Variants in CADPS2 observed in about 807,000 individuals in gnomAD.
The protein encoded by CADPS2 is calcium dependent secretion activator 2.
In CADPS2, 93 loss-of-function variants were observed where a neutral mutation model predicts 172.5. The ratio of observed to expected loss-of-function variants is 0.54; its 90% CI spans 0.46 to 0.64. The LOEUF (loss-of-function observed/expected upper bound fraction) is 0.64, where lower values mean the gene tolerates loss of function less well. CADPS2 is among the 30% of genes least tolerant of loss of function. CADPS2 has a pLI of 0.00. For synonymous variants in CADPS2, 546 were observed against 555.2 expected (o/e 0.98, Z 0.23); for missense variants, 1,420 against 1,565.9 (o/e 0.91, Z 1.57).
chr7:122,686,523 C>T (rs927642487), intron 2 of CADPS2, among the ~76,000 whole-genome samples: 1 of 152,142 alleles, frequency 6.6e-6, no homozygotes, highest in Non-Finnish European at 1.5e-5. Flanking sequence ...ATTGCTGCCC[C>T]CTCCTCAAGT....
intron 20 of CADPS2, among the ~76,000 whole-genome samples, chr7:122,407,173 C>T (rs1265192310): frequency 6.6e-6 from 1 of 152,168 alleles, no homozygotes; most frequent in African/African-American, 2.4e-5. Flanking sequence ...ATGATTTCTA[C>T]AATAATGAAT....
intron 2 of CADPS2, among the ~76,000 whole-genome samples, chr7:122,731,529 G>A (rs1158124476): frequency 6.6e-6 from 1 of 151,598 alleles, no homozygotes; most frequent in African/African-American, 2.4e-5. Flanking sequence ...TAACTGCAGA[G>A]TCAGATGATG....
chr7:122,750,644 CAA>C (rs2092913198), intron 1 of CADPS2, among the ~76,000 whole-genome samples: 1 of 152,096 alleles, frequency 6.6e-6, no homozygotes, highest in African/African-American at 2.4e-5. Context: ...TAAAACCAGA[CAA>C]ATAGATGACA....
chr7:122,663,027 T>G (rs887858189), intron 3 of CADPS2, among the ~76,000 whole-genome samples: 11 of 152,236 alleles, frequency 7.2e-5, no homozygotes, highest in Admixed American at 1.3e-4. Flanking sequence ...ACTTACTGGA[T>G]AAGAAGTACT....
chr7:122,671,083 C>T (rs1370613906), intron 2 of CADPS2, among the ~76,000 whole-genome samples: 1 of 152,142 alleles, frequency 6.6e-6, no homozygotes, highest in Non-Finnish European at 1.5e-5. Context: ...TTGGCTAGAT[C>T]CTGTATCGTA....
chr7:122,662,005 C>T (rs2080602348), intron 3 of CADPS2, among the ~76,000 whole-genome samples: 1 of 152,158 alleles, frequency 6.6e-6, no homozygotes, highest in Non-Finnish European at 1.5e-5. Context: ...ACAGTGAGTA[C>T]ACAAATTGTT....
intron 23 of CADPS2, among the ~76,000 whole-genome samples, chr7:122,387,530 C>A (rs1027771057): frequency 3.3e-5 from 5 of 151,994 alleles, no homozygotes; most frequent in Non-Finnish European, 7.4e-5. Context: ...AAAAATCACA[C>A]ACTTGTATGC....
chr7:122,490,726 A>G (rs1409773234), intron 10 of CADPS2, among the ~76,000 whole-genome samples: 3 of 149,702 alleles, frequency 2.0e-5, no homozygotes, highest in African/African-American at 7.4e-5. Context: ...AATATTTTGC[A>G]TTTTAAGTGA....
chr7:122,830,792 C>T (rs1013918033), intron 1 of CADPS2, among the ~76,000 whole-genome samples: 10 of 152,078 alleles, frequency 6.6e-5, no homozygotes, highest in Non-Finnish European at 1.2e-4. Context: ...AGCTATTAAA[C>T]GATCTCATTC....
chr7:122,756,746 A>G (rs2093176828), intron 1 of CADPS2, among the ~76,000 whole-genome samples: 1 of 152,106 alleles, frequency 6.6e-6, no homozygotes, highest in East Asian at 1.9e-4. Flanking sequence ...TAAAAATACA[A>G]AAAGTTAGCC....
chr7:122,558,005 CA>C (rs1433915202), intron 7 of CADPS2, among the ~76,000 whole-genome samples: 5 of 152,166 alleles, frequency 3.3e-5, no homozygotes, highest in African/African-American at 1.2e-4. Context: ...CGAAAGAAAT[CA>C]GAGCCCTAAA....
chr7:122,648,892 C>G (rs558530658), intron 3 of CADPS2, among the ~76,000 whole-genome samples: 8 of 152,064 alleles, frequency 5.3e-5, no homozygotes, highest in Admixed American at 4.6e-4. Flanking sequence ...CAGAACAATG[C>G]GTAGTGCTTG....
intron 3 of CADPS2, among the ~76,000 whole-genome samples, chr7:122,645,665 A>G: frequency 1.2e-5 from 1 of 83,452 alleles, no homozygotes; most frequent in South Asian, 5.9e-4. Context: ...TAAGATATAT[A>G]TATATATATA....
rs773033412 is a variant in CADPS2 at position 122,698,134 on chromosome 7, C to T, written c.454-34565G>A. On this transcript the variant is annotated intron_variant, in intron 2 of 29. Transcript: ENST00000449022. ...ACGAACTATGTCATTAGGCTTATAG[C>T]GTTCAAAGCAAATTACGCAGCTATC... The T allele has an allele frequency of 3.3e-5, 54 of 1,613,694 alleles. 1 individual carries two copies. Among genetic ancestry groups the T allele is most frequent in the Non-Finnish European group, 4.3e-5 (51 of 1,179,812 alleles).
chr7:122,375,471 T>C (rs766821532), intron 25 of CADPS2, among the ~76,000 whole-genome samples: 13 of 151,872 alleles, frequency 8.6e-5, no homozygotes, highest in Non-Finnish European at 1.8e-4. Flanking sequence ...TTGACAAGAG[T>C]GTCAAGAGAA....
At chr7:122,533,874 A>G (rs1371634161) in intron 8 of CADPS2, among the ~76,000 whole-genome samples, 3 of 152,166 alleles carry the variant, frequency 2.0e-5, no homozygotes, top group African/African-American at 7.2e-5. Context: ...TCCAGTGCAG[A>G]TGTTAATTTG....
At position 122,503,285 on chromosome 7, in the gene CADPS2, C is replaced by T. The variant is rs575741769; in HGVS notation, c.1542+9964G>A. The stretch of plus-strand genomic sequence containing the variant: ...TCCTGACCTTGTGATCTGCTCGCCT[C>T]GGCCTCCCAAAATGCTGGGATTACA... On this transcript the variant is annotated intron_variant, in intron 9 of 29. Coordinates refer to ENST00000449022, the MANE Select transcript of CADPS2 (RefSeq NM_017954.11). Among the ~76,000 whole-genome samples the T allele has an allele frequency of 1.1e-4, 17 of 152,226 alleles. No homozygotes were observed. In the East Asian group the frequency reaches 3.3e-3, roughly 30 times the overall value.
chr7:122,557,914 T>C (rs751788012), intron 7 of CADPS2, among the ~76,000 whole-genome samples: 5 of 152,116 alleles, frequency 3.3e-5, no homozygotes, highest in Admixed American at 1.3e-4. Flanking sequence ...TGGGAAAAGG[T>C]GATCAAGATA....
chr7:122,738,135 G>T (rs1444966681), intron 1 of CADPS2, among the ~76,000 whole-genome samples: 1 of 152,016 alleles, frequency 6.6e-6, no homozygotes, highest in African/African-American at 2.4e-5. Context: ...TAATACAGAG[G>T]GTGAATTAGA....
Sources: allele counts gnomAD v4.1 joint callset (sites outside exome capture counted in the v4.1 genomes callset), GRCh38; gene constraint gnomAD v4.1.1; transcripts MANE v1.5; gene names NCBI Gene and HGNC (gene_info 2026-07-23, HGNC 2026-07-21).